ZNF599: variants seen among roughly 807,000 people sequenced by gnomAD.
ZNF599 encodes zinc finger protein 599.
Under a neutral mutation model 11.7 loss-of-function variants are expected in ZNF599, and 10 were observed. The ratio of observed to expected loss-of-function variants is 0.86; its 90% CI spans 0.53 to 1.45. The LOEUF (loss-of-function observed/expected upper bound fraction) is 1.45. Ranked by LOEUF, ZNF599 falls within the 40% of genes most tolerant of loss-of-function variation. The pLI, the probability that ZNF599 is intolerant of heterozygous loss-of-function variation, is 0.00. For synonymous variants in ZNF599, 232 were observed against 253.2 expected, an observed-to-expected ratio of 0.92 and a Z score of 0.79; for missense variants, 688 against 713.6, an observed-to-expected ratio of 0.96 and a Z score of 0.41.
At chr19:34,794,376 A>G in the ZNF599 span, among the ~76,000 whole-genome samples, 1 of 152,094 alleles carries the variant, frequency 6.6e-6, no homozygotes, top group African/African-American at 2.4e-5. Context: ...TTAATGAGTT[A>G]TAATTAATGT....
intron 3 of ZNF599, chr19:34,762,876 T>C (rs1220272442): frequency 6.6e-6 from 1 of 152,260 alleles, no homozygotes. Flanking sequence ...ATGTTAAATA[T>C]ATTTTTCTGA....
the ZNF599 span, among the ~76,000 whole-genome samples, chr19:34,807,060 C>G: frequency 6.6e-6 from 1 of 152,234 alleles, no homozygotes; most frequent in Non-Finnish European, 1.5e-5. Context: ...ACACTCTACT[C>G]TGTGTACACA....
At chr19:34,763,440 C>T (rs7259742) in intron 3 of ZNF599, 19,689 of 152,126 alleles carry the variant, frequency 0.13, 1,370 homozygotes, top group Middle Eastern at 0.21. Flanking sequence ...ACAGGCGGAT[C>T]ACTGAAGGTC....
chr19:34,795,084 G>A, the ZNF599 span, among the ~76,000 whole-genome samples: 1 of 152,164 alleles, frequency 6.6e-6, no homozygotes, highest in African/African-American at 2.4e-5. Flanking sequence ...TGGAATTTAT[G>A]TAATCTAGAA....
At chr19:34,779,619 C>G in the ZNF599 span, 1 of 362,718 alleles carries the variant, frequency 2.8e-6, no homozygotes, top group Admixed American at 3.5e-5. Context: ...ACTCACATCT[C>G]TTAGGAGATG....
the ZNF599 span, among the ~76,000 whole-genome samples, chr19:34,789,764 G>A: frequency 6.6e-6 from 1 of 152,150 alleles, no homozygotes; most frequent in Non-Finnish European, 1.5e-5. Context: ...CTTATCAAAT[G>A]TATAGCTTGA....
chr19:34,800,971 TTTTCCAA>T, the ZNF599 span, among the ~76,000 whole-genome samples: 153 of 152,332 alleles, frequency 1.0e-3, no homozygotes, highest in Non-Finnish European at 1.3e-3. Context: ...TTGTTTACGT[TTTTCCAA>T]TAGAGCCCTT....
intron 1 of ZNF599, among the ~76,000 whole-genome samples, chr19:34,770,351 T>A (rs957720632): frequency 1.3e-5 from 2 of 152,230 alleles, no homozygotes; most frequent in African/African-American, 4.8e-5. Flanking sequence ...ATCACCACAG[T>A]GAATCCACAG....
the ZNF599 span, among the ~76,000 whole-genome samples, chr19:34,797,027 T>C: frequency 6.8e-6 from 1 of 146,104 alleles, no homozygotes; most frequent in Middle Eastern, 3.4e-3. Flanking sequence ...TGTGTTCTCA[T>C]TGTTCAATTC....
Position 34,759,422 on chromosome 19 carries a change from A to G in ZNF599, c.1379T>C (p.Phe460Ser), listed in dbSNP as rs890928008. 1.9e-6 allele frequency: 3 copies of G among 1,614,016 alleles called. No individual in the cohort carries two copies. The African/African-American group carries it at 4.0e-5, about 22-fold the overall frequency. ...TCGAATAAAAACAGAGTGGTGTGTA[A>G]AAGCCTTTCCACATTCACTGCACTC... is the stretch of plus-strand genomic sequence containing the variant. ...PYECSECGKA[F>S]THHSVFIRHN... Residue 460 changes from phenylalanine (F) to serine (S), a missense_variant, in exon 4 of 4, where the codon TTT becomes TCT. Phe to Ser is a radical substitution (Grantham distance 155). Coordinates refer to ENST00000329285, the MANE Select transcript of ZNF599 (RefSeq NM_001007248.3).
chr19:34,758,233 C>T lies in ZNF599; in HGVS notation c.*801G>A, dbSNP rs190731425. Reference sequence around the variant, plus strand: ...TGGATCAGAGGCTCACAGAAGCTAACGCTGTATTTCCCCTAGCAACAATCA... The same window carrying T: ...TGGATCAGAGGCTCACAGAAGCTAATGCTGTATTTCCCCTAGCAACAATCA... On this transcript the variant is annotated 3_prime_UTR_variant, in exon 4 of 4. Coordinates refer to ENST00000329285, the MANE Select transcript of ZNF599 (RefSeq NM_001007248.3). 2 of 152,326 alleles carry T rather than the reference C, an allele frequency of 1.3e-5. No homozygotes were observed. Among genetic ancestry groups the T allele is most frequent in the South Asian group, 2.1e-4 (1 of 4,830 alleles). 9.4% of individuals were successfully genotyped at this position (152,326 alleles called of 1,614,324 possible).
chr19:34,789,115 T>C, the ZNF599 span, among the ~76,000 whole-genome samples: 1 of 152,340 alleles, frequency 6.6e-6, no homozygotes, highest in African/African-American at 2.4e-5. Context: ...GTGACCATTC[T>C]ACCCTTTACT....
At chr19:34,783,958 A>C in the ZNF599 span, among the ~76,000 whole-genome samples, 1 of 152,180 alleles carries the variant, frequency 6.6e-6, no homozygotes, top group Non-Finnish European at 1.5e-5. Flanking sequence ...CCCTCTGTAC[A>C]TGGCATGCAA....
rs991652655 is a variant in ZNF599, at chr19:34,759,147, G to C, written c.1654C>G (p.Gln552Glu). Residue 552 changes from glutamine to glutamate, a missense_variant, in exon 4 of 4, where the codon CAG becomes GAG. Gln to Glu is a conservative substitution (Grantham distance 29). Transcript: ENST00000329285. ...KAFCDNFALT[Q>E]HMRTHTGEKP... Reference sequence around the variant, plus strand: ...TCTCCAGTGTGAGTTCTCATGTGCTGAGTTAAAGCAAAGTTGTCACAGAAG... The same window carrying C: ...TCTCCAGTGTGAGTTCTCATGTGCTCAGTTAAAGCAAAGTTGTCACAGAAG... 2 of 1,614,094 alleles carry C rather than the reference G, an allele frequency of 1.2e-6. No homozygotes were observed. The highest frequency in any genetic ancestry group is 1.7e-6 in the Non-Finnish European group (2 of 1,180,036).
chr19:34,803,170 T>A, the ZNF599 span, among the ~76,000 whole-genome samples: 17 of 151,920 alleles, frequency 1.1e-4, no homozygotes, highest in Non-Finnish European at 2.2e-4. Context: ...GGGCAGCAGG[T>A]ATTGAGGCTG....
the ZNF599 span, among the ~76,000 whole-genome samples, chr19:34,794,348 G>A: frequency 6.6e-6 from 1 of 152,060 alleles, no homozygotes; most frequent in Non-Finnish European, 1.5e-5. Context: ...GGCACTGGTG[G>A]GAGTTTCTTT....
the ZNF599 span, among the ~76,000 whole-genome samples, chr19:34,795,569 T>C: frequency 5.3e-5 from 8 of 152,162 alleles, no homozygotes; most frequent in African/African-American, 1.7e-4. Flanking sequence ...TGTGAGCCAC[T>C]GTGCTTGGCC....
chr19:34,763,452 G>A (rs938110336), intron 3 of ZNF599: 1 of 152,104 alleles, frequency 6.6e-6, no homozygotes, highest in Non-Finnish European at 1.5e-5. Context: ...CTGAAGGTCG[G>A]GAGTTCAAGA....
chr19:34,792,818 G>A, the ZNF599 span, among the ~76,000 whole-genome samples: 19 of 151,648 alleles, frequency 1.3e-4, no homozygotes, highest in East Asian at 1.6e-3. Flanking sequence ...AGCGGAGATC[G>A]CACCACTGCA....
Sources: gnomAD v4.1 joint callset for allele counts (sites outside exome capture counted in the v4.1 genomes callset) on GRCh38, gnomAD v4.1.1 for gene constraint, MANE v1.5 for transcripts, NCBI Gene and HGNC (gene_info 2026-07-23, HGNC 2026-07-21) for gene names.